Variants in CWF19L2 observed in about 807,000 individuals in gnomAD.
The protein encoded by CWF19L2 is CWF19-like protein 2.
A neutral mutation model predicts 111.7 loss-of-function variants in CWF19L2; 98 were observed. The ratio of observed to expected loss-of-function variants is 0.88; its 90% CI spans 0.75 to 1.04. The LOEUF (loss-of-function observed/expected upper bound fraction) is 1.04. Among genes scored for constraint, CWF19L2 ranks in the 50% least tolerant of loss-of-function variants. The pLI is 0.00. For synonymous variants in CWF19L2, 351 were observed against 342.9 expected (o/e 1.02, Z -0.26); for missense variants, 1,101 against 1,051.4 (o/e 1.05, Z -0.65).
At chr11:107,382,416 G>C (rs1333318765) in intron 12 of CWF19L2, among the ~76,000 whole-genome samples, 7 of 152,144 alleles carry the variant, frequency 4.6e-5, no homozygotes, top group Admixed American at 4.6e-4. Context: ...TTAGCCTTGC[G>C]TTAAGTCATT....
At chr11:107,347,204 G>A (rs537412533) in intron 14 of CWF19L2, among the ~76,000 whole-genome samples, 11 of 151,928 alleles carry the variant, frequency 7.2e-5, no homozygotes, top group South Asian at 2.1e-4. Context: ...AAACATCTTC[G>A]CATTTTCTAT....
intron 1 of CWF19L2, 74 bp downstream of exon 1, chr11:107,457,633 AGGGGT>A: frequency 5.0e-6 from 5 of 1,005,192 alleles, no homozygotes; most frequent in Non-Finnish European, 7.7e-6. Context: ...AGGTAAGGGA[AGGGGT>A]GAGTGGGCTA....
intron 12 of CWF19L2, among the ~76,000 whole-genome samples, chr11:107,354,865 G>A (rs914014665): frequency 6.6e-6 from 1 of 152,066 alleles, no homozygotes. Flanking sequence ...CAACCCATGA[G>A]GTTTAATTCT....
At chr11:107,349,449 G>A (rs937661504) in intron 13 of CWF19L2, among the ~76,000 whole-genome samples, 2 of 152,090 alleles carry the variant, frequency 1.3e-5, no homozygotes, top group Non-Finnish European at 1.5e-5. Flanking sequence ...GCCTGGTAAC[G>A]GTAGTCTAAC....
Position 107,336,554 on chromosome 11 carries a change from A to T in CWF19L2, c.2358+4T>A. The stretch of plus-strand genomic sequence containing the variant: ...GTGTATATGCAAAGACTACTTATAA[A>T]CACCTTAAAATAGATGGGAGCCATG... On this transcript the variant is annotated splice_donor_region_variant and intron_variant, in intron 15 of 17. Transcript: ENST00000282251. 1 of 1,594,058 alleles carries T rather than the reference A, an allele frequency of 6.3e-7. No homozygotes were observed. Among genetic ancestry groups the T allele is most frequent in the African/African-American group, 1.4e-5 (1 of 73,736 alleles).
chr11:107,426,732 A>C (rs975489441), intron 8 of CWF19L2, among the ~76,000 whole-genome samples: 3 of 151,768 alleles, frequency 2.0e-5, no homozygotes, highest in African/African-American at 7.2e-5. Context: ...TGGTATATGC[A>C]TTGTAGAGCT....
At chr11:107,361,693 C>A (rs1189090172) in intron 12 of CWF19L2, among the ~76,000 whole-genome samples, 1 of 152,158 alleles carries the variant, frequency 6.6e-6, no homozygotes, top group Non-Finnish European at 1.5e-5. Context: ...TCTTTCACCT[C>A]CTTGGTTAAA....
At chr11:107,436,086 A>G (rs671493) in intron 6 of CWF19L2, among the ~76,000 whole-genome samples, 109,059 of 150,758 alleles carry the variant, frequency 0.72, 39,657 homozygotes, top group Admixed American at 0.78. Context: ...CCCAGGAGGC[A>G]GAGGCTGCAG....
rs541673293 is a variant in CWF19L2 at position 107,408,689 on chromosome 11, A to C, written c.1617+7520T>G. 5.9e-5 allele frequency among the ~76,000 whole-genome samples: 9 copies of C among 152,134 alleles called. No individual in the cohort carries two copies. The East Asian group carries it at 1.7e-3, about 29-fold the overall frequency. The stretch of plus-strand genomic sequence containing the variant: ...TACTTTAAGGAGGGTTAAAAAATAC[A>C]AGCTGAACTGTATAGAAAATAGGTA... On this transcript the variant is annotated intron_variant, in intron 10 of 17. Transcript: ENST00000282251.
chr11:107,448,566 CTG>C (rs1235674799), intron 3 of CWF19L2, among the ~76,000 whole-genome samples: 16 of 152,050 alleles, frequency 1.1e-4, no homozygotes, highest in Non-Finnish European at 1.8e-4. Flanking sequence ...TTGATGGAAA[CTG>C]TAAACTCACA....
intron 16 of CWF19L2, among the ~76,000 whole-genome samples, chr11:107,330,689 C>CACACACACACACACACAT (rs58207804): frequency 7.1e-6 from 1 of 141,524 alleles, no homozygotes; most frequent in Non-Finnish European, 1.5e-5. Context: ...CACACACACA[C>CACACACACACACACACAT]TTTAAACTAT....
chr11:107,333,596 A>T (rs1859880985), intron 16 of CWF19L2, among the ~76,000 whole-genome samples: 1 of 152,196 alleles, frequency 6.6e-6, no homozygotes, highest in Non-Finnish European at 1.5e-5. Context: ...TAAACAGTAC[A>T]TTTAGAGTTT....
In CWF19L2 at chr11:107,429,014, T is replaced by C. The variant is rs1861422277; in HGVS notation, c.1218A>G (p.Arg406=). The change falls in exon 8 of 18, where the codon AGA becomes AGG. Residue 406 remains arginine, a synonymous_variant. Coordinates refer to ENST00000282251, the MANE Select transcript of CWF19L2 (RefSeq NM_152434.3). ...TTTCTTCACTGTTCTTGGTGGGTTT[T>C]CTAAAACCACTACACAAAGAGCCCT... ...VAQGSLCSGF[R]KPTKNSEERL... is the part of the protein sequence containing the mutation. 6.2e-7 allele frequency: 1 copy of C among 1,613,688 alleles called. No homozygotes were observed. The highest frequency in any genetic ancestry group is 8.5e-7 in the Non-Finnish European group (1 of 1,179,786).
chr11:107,389,990 C>G, intron 12 of CWF19L2, 84 bp downstream of exon 12: 1 of 1,155,722 alleles, frequency 8.7e-7, no homozygotes, highest in South Asian at 1.4e-5. Context: ...TTAGAGAGAA[C>G]CAGATCTCTC....
intron 14 of CWF19L2, among the ~76,000 whole-genome samples, chr11:107,347,738 T>C (rs1177835945): frequency 2.0e-5 from 3 of 152,212 alleles, no homozygotes; most frequent in Admixed American, 1.3e-4. Context: ...TAAAATATTA[T>C]ATTTGTGTAC....
intron 12 of CWF19L2, among the ~76,000 whole-genome samples, chr11:107,378,116 A>G (rs1201110778): frequency 1.3e-5 from 2 of 150,328 alleles, no homozygotes; most frequent in East Asian, 3.9e-4. Flanking sequence ...GTCAGGAAAC[A>G]ACAGGTGCTG....
chr11:107,404,246 T>C, intron 10 of CWF19L2: 1 of 778,490 alleles, frequency 1.3e-6, no homozygotes, highest in Non-Finnish European at 2.4e-6. Flanking sequence ...TCCATTTAAA[T>C]ATTCTTGTTT....
At chr11:107,396,260 C>G (rs73549815) in intron 10 of CWF19L2, among the ~76,000 whole-genome samples, 6,751 of 152,266 alleles carry the variant, frequency 0.044, 467 homozygotes, top group African/African-American at 0.15. Flanking sequence ...CATTTATAAA[C>G]TCTTTCCATT....
At chr11:107,432,990 T>A (rs1861485835) in intron 7 of CWF19L2, among the ~76,000 whole-genome samples, 1 of 152,138 alleles carries the variant, frequency 6.6e-6, no homozygotes, top group South Asian at 2.1e-4. Flanking sequence ...ATGTATATAT[T>A]TACTGGCATC....
Sources: gnomAD v4.1 joint callset for allele counts (sites outside exome capture counted in the v4.1 genomes callset) on GRCh38, gnomAD v4.1.1 for gene constraint, MANE v1.5 for transcripts, NCBI Gene and HGNC (gene_info 2026-07-23, HGNC 2026-07-21) for gene names.